Variants in PLCXD3 observed in about 807,000 individuals in gnomAD.
PLCXD3 encodes the protein PI-PLC X domain-containing protein 3.
PLCXD3 carries 19 observed loss-of-function variants against 25.5 expected under a neutral mutation model. The observed-to-expected ratio is 0.75, with a 90% CI of 0.52 to 1.09. The LOEUF is 1.09. Among genes scored for constraint, PLCXD3 ranks in the 50% least tolerant of loss-of-function variants. PLCXD3 has a pLI of 0.00. For synonymous variants in PLCXD3, 174 were observed against 137.6 expected (o/e 1.26, Z -1.85); for missense variants, 411 against 388.1 (o/e 1.06, Z -0.50).
At chr5:41,478,519 C>T (rs1167331700) in intron 1 of PLCXD3, among the ~76,000 whole-genome samples, 3 of 152,058 alleles carry the variant, frequency 2.0e-5, no homozygotes, top group Non-Finnish European at 4.4e-5. Flanking sequence ...AATAGGAAGG[C>T]CTTTCAGTGA....
chr5:41,319,370 A>T (rs1488400909), intron 2 of PLCXD3, among the ~76,000 whole-genome samples: 1 of 152,142 alleles, frequency 6.6e-6, no homozygotes, highest in East Asian at 1.9e-4. Context: ...GTCACAAAAC[A>T]TCTTAAAACA....
chr5:41,329,408 A>G (rs1743724843), intron 2 of PLCXD3, among the ~76,000 whole-genome samples: 1 of 152,188 alleles, frequency 6.6e-6, no homozygotes, highest in African/African-American at 2.4e-5. Context: ...GGCACAGGCT[A>G]AGGACTCAGT....
At chr5:41,497,682 T>A (rs1274013593) in intron 1 of PLCXD3, among the ~76,000 whole-genome samples, 1 of 151,958 alleles carries the variant, frequency 6.6e-6, no homozygotes, top group African/African-American at 2.4e-5. Flanking sequence ...AAAATGAACC[T>A]AACAAACATA....
At chr5:41,419,130 GA>G in intron 1 of PLCXD3, among the ~76,000 whole-genome samples, 1 of 151,948 alleles carries the variant, frequency 6.6e-6, no homozygotes, top group East Asian at 1.9e-4. Flanking sequence ...GGGGGTGGGG[GA>G]AGAAAGGTAA....
chr5:41,377,432 T>C (rs377265469), intron 2 of PLCXD3, among the ~76,000 whole-genome samples: 1 of 152,054 alleles, frequency 6.6e-6, no homozygotes, highest in African/African-American at 2.4e-5. Flanking sequence ...AAAATTCTGA[T>C]AGGTAGTATG....
At chr5:41,371,127 A>C (rs576159459) in intron 2 of PLCXD3, among the ~76,000 whole-genome samples, 23 of 152,324 alleles carry the variant, frequency 1.5e-4, no homozygotes, top group African/African-American at 5.3e-4. Context: ...CCTCATTATC[A>C]AAATGGTCTG....
chr5:41,460,426 C>T (rs1193091125), intron 1 of PLCXD3, among the ~76,000 whole-genome samples: 1 of 151,870 alleles, frequency 6.6e-6, no homozygotes, highest in Non-Finnish European at 1.5e-5. Context: ...ATTATCATAT[C>T]TATATTTTTT....
intron 2 of PLCXD3, among the ~76,000 whole-genome samples, chr5:41,325,243 C>A (rs1260637125): frequency 6.6e-6 from 1 of 152,102 alleles, no homozygotes; most frequent in African/African-American, 2.4e-5. Flanking sequence ...GGGAATATTT[C>A]TATTTTCTGT....
intron 1 of PLCXD3, among the ~76,000 whole-genome samples, chr5:41,410,387 C>T (rs1023216648): frequency 6.6e-5 from 10 of 152,088 alleles, no homozygotes; most frequent in Admixed American, 4.6e-4. Flanking sequence ...TCGTGATCTG[C>T]CCACTTCAAC....
intron 1 of PLCXD3, among the ~76,000 whole-genome samples, chr5:41,391,469 C>A (rs1354230257): frequency 6.6e-6 from 1 of 152,138 alleles, no homozygotes; most frequent in Non-Finnish European, 1.5e-5. Context: ...CAGAAGGGAA[C>A]CTGCTGCCTT....
At chr5:41,426,398 T>C (rs1471999510) in intron 1 of PLCXD3, among the ~76,000 whole-genome samples, 4 of 152,236 alleles carry the variant, frequency 2.6e-5, no homozygotes, top group East Asian at 3.9e-4. Context: ...CATATGTTTT[T>C]CTTTCTTATT....
chr5:41,379,009 C>T (rs1442876530), intron 2 of PLCXD3, among the ~76,000 whole-genome samples: 5 of 152,038 alleles, frequency 3.3e-5, no homozygotes, highest in Admixed American at 3.3e-4. Context: ...GGCTAAAATG[C>T]AAAGCAAGCA....
chr5:41,317,627 A>G (rs1455970877), intron 2 of PLCXD3, among the ~76,000 whole-genome samples: 3 of 152,122 alleles, frequency 2.0e-5, no homozygotes, highest in African/African-American at 7.2e-5. Flanking sequence ...CAACACAGAG[A>G]AGGAATTCAG....
chr5:41,326,657 C>T (rs1333117032), intron 2 of PLCXD3, among the ~76,000 whole-genome samples: 1 of 152,128 alleles, frequency 6.6e-6, no homozygotes, highest in Non-Finnish European at 1.5e-5. Flanking sequence ...TAAGATTTGG[C>T]CTGGGCATTA....
intron 1 of PLCXD3, among the ~76,000 whole-genome samples, chr5:41,430,157 C>T (rs1747062206): frequency 1.3e-5 from 2 of 152,188 alleles, no homozygotes; most frequent in African/African-American, 4.8e-5. Flanking sequence ...ACAATAATAG[C>T]ACCTATCCCA....
chr5:41,362,944 A>G (rs1218115355), intron 2 of PLCXD3, among the ~76,000 whole-genome samples: 1 of 152,208 alleles, frequency 6.6e-6, no homozygotes, highest in Non-Finnish European at 1.5e-5. Context: ...TTCAAATGAA[A>G]CTAGTGTTTA....
chr5:41,450,216 C>T (rs918449447), intron 1 of PLCXD3, among the ~76,000 whole-genome samples: 2 of 152,076 alleles, frequency 1.3e-5, no homozygotes, highest in Non-Finnish European at 2.9e-5. Flanking sequence ...TGTATAAAGA[C>T]TGATACAAGA....
chr5:41,475,552 A>C, intron 1 of PLCXD3: 1 of 517,150 alleles, frequency 1.9e-6, no homozygotes, highest in South Asian at 1.5e-5. Flanking sequence ...ACTTATTTCT[A>C]TTTATCCCTA....
At chr5:41,342,770 A>C (rs1744187584) in intron 2 of PLCXD3, among the ~76,000 whole-genome samples, 1 of 152,184 alleles carries the variant, frequency 6.6e-6, no homozygotes. Flanking sequence ...AGGAGGAGCT[A>C]ATTCATTCCA....
Sources: gnomAD v4.1 joint callset for allele counts (sites outside exome capture counted in the v4.1 genomes callset) on GRCh38, gnomAD v4.1.1 for gene constraint, MANE v1.5 for transcripts, NCBI Gene and HGNC (gene_info 2026-07-23, HGNC 2026-07-21) for gene names.